The following CACNB4 variants were observed in gnomAD, a reference collection of about 807,000 sequenced individuals.
CACNB4 encodes calcium voltage-gated channel auxiliary subunit beta 4.
In CACNB4, 32 loss-of-function variants were observed where a neutral mutation model predicts 71.2. The observed-to-expected ratio is 0.45, with a 90% CI of 0.34 to 0.60. CACNB4 has a LOEUF of 0.60. Ranked by LOEUF, CACNB4 falls within the 20% of genes least tolerant of loss-of-function variation. The probability of loss-of-function intolerance (pLI) is 0.01; values close to 1 mark genes in which losing one functional copy is unlikely to be tolerated. For missense variants in CACNB4, 464 were observed against 647.9 expected (o/e 0.72, Z 3.08); for synonymous variants, 231 against 236.9 (o/e 0.97, Z 0.23).
At chr2:151,894,794 C>G (rs1246615174) in intron 2 of CACNB4, among the ~76,000 whole-genome samples, 2 of 151,940 alleles carry the variant, frequency 1.3e-5, no homozygotes, top group African/African-American at 2.4e-5. Context: ...ATCAAGAAAG[C>G]AATCCCATTT....
Position 151,843,119 on chromosome 2 carries a change from T to G in CACNB4, c.1117-1031A>C, listed in dbSNP as rs372839807. Among the ~76,000 whole-genome samples, 4 of 152,302 alleles carry G rather than the reference T, an allele frequency of 2.6e-5. No homozygotes were observed. In the East Asian group the frequency reaches 5.8e-4, roughly 22 times the overall value. ...ACGTTTCGGACAGTAAGGCCATTGT[T>G]CAACATCTGGTCTGTACTCAGGAAG... is the stretch of plus-strand genomic sequence containing the variant. On this transcript the variant is annotated intron_variant, in intron 12 of 13. Coordinates refer to ENST00000539935, the MANE Select transcript of CACNB4 (RefSeq NM_000726.5).
rs77761363 is a variant in CACNB4 at position 151,953,954 on chromosome 2, A to G, written c.148-70584T>C. On this transcript the variant is annotated intron_variant, in intron 2 of 13. Transcript: ENST00000539935. ...TAATTTACAAAGCTCAGATGTCTTT[A>G]CAACAAATTCTATCTGTCTTTTGAA... 4.0e-3 allele frequency among the ~76,000 whole-genome samples: 614 copies of G among 152,378 alleles called. 8 individuals are homozygous for G. Among genetic ancestry groups the G allele is most frequent in the African/African-American group, 0.014 (590 of 41,590 alleles).
At chr2:152,076,854 T>G (rs1054258995) in intron 2 of CACNB4, among the ~76,000 whole-genome samples, 1 of 152,206 alleles carries the variant, frequency 6.6e-6, no homozygotes, top group Admixed American at 6.5e-5. Context: ...TTTGCCTCTT[T>G]GGAGCTTACA....
intron 2 of CACNB4, among the ~76,000 whole-genome samples, chr2:152,058,161 G>T (rs1448993941): frequency 6.6e-6 from 1 of 152,150 alleles, no homozygotes; most frequent in African/African-American, 2.4e-5. Flanking sequence ...GGCCTCCTCA[G>T]CCATGCAGAA....
chr2:151,858,636 T>A (rs1267429490), intron 10 of CACNB4: 1 of 152,244 alleles, frequency 6.6e-6, no homozygotes, highest in Non-Finnish European at 1.5e-5. Flanking sequence ...GCATGGGATC[T>A]ATTTTGGAGT....
At chr2:152,070,434 C>A (rs1686616912) in intron 2 of CACNB4, among the ~76,000 whole-genome samples, 1 of 152,078 alleles carries the variant, frequency 6.6e-6, no homozygotes, top group Non-Finnish European at 1.5e-5. Context: ...GATACTAGAA[C>A]CCAATCAAGT....
At chr2:152,089,896 T>C (rs1427621879) in intron 2 of CACNB4, among the ~76,000 whole-genome samples, 1 of 152,098 alleles carries the variant, frequency 6.6e-6, no homozygotes, top group Non-Finnish European at 1.5e-5. Context: ...AACACGACCC[T>C]GTCTCAAAAA....
At chr2:151,890,678 A>G (rs1399531359) in intron 2 of CACNB4, among the ~76,000 whole-genome samples, 3 of 152,232 alleles carry the variant, frequency 2.0e-5, no homozygotes, top group African/African-American at 7.2e-5. Flanking sequence ...TTTTGTTAAT[A>G]TTAATCAAAT....
chr2:151,886,772 G>A (rs973445117), intron 2 of CACNB4, among the ~76,000 whole-genome samples: 1 of 152,010 alleles, frequency 6.6e-6, no homozygotes, highest in African/African-American at 2.4e-5. Flanking sequence ...CCATAGACAT[G>A]CTCTGCTGGC....
chr2:151,868,380 A>T (rs2099843726), intron 9 of CACNB4: 1 of 152,154 alleles, frequency 6.6e-6, no homozygotes. Context: ...ATTTCTGATA[A>T]ATCTCAGGTT....
intron 2 of CACNB4, among the ~76,000 whole-genome samples, chr2:152,049,480 C>T (rs980669077): frequency 6.6e-6 from 1 of 152,102 alleles, no homozygotes. Context: ...GTTTCACAAC[C>T]GTATTTCTCC....
At chr2:152,061,406 TAATTG>T (rs1381211527) in intron 2 of CACNB4, among the ~76,000 whole-genome samples, 1 of 152,186 alleles carries the variant, frequency 6.6e-6, no homozygotes, top group Non-Finnish European at 1.5e-5. Context: ...AAATGATTAC[TAATTG>T]AATATTTACT....
intron 2 of CACNB4, among the ~76,000 whole-genome samples, chr2:151,907,353 A>C (rs1468663083): frequency 6.6e-6 from 1 of 152,238 alleles, no homozygotes; most frequent in African/African-American, 2.4e-5. Context: ...TGAATAACCC[A>C]AATTACTGGA....
chr2:151,862,655 T>C (rs143302951), intron 9 of CACNB4, among the ~76,000 whole-genome samples: 10 of 152,312 alleles, frequency 6.6e-5, no homozygotes, highest in African/African-American at 2.2e-4. Context: ...GATTTCACTA[T>C]AAAAAGCTGT....
At chr2:151,914,459 G>A (rs1013193342) in intron 2 of CACNB4, among the ~76,000 whole-genome samples, 1 of 152,148 alleles carries the variant, frequency 6.6e-6, no homozygotes, top group South Asian at 2.1e-4. Flanking sequence ...ATCTTCTGAA[G>A]CCTACTTCTG....
At chr2:151,957,851 C>T (rs2099868721) in intron 2 of CACNB4, among the ~76,000 whole-genome samples, 2 of 152,148 alleles carry the variant, frequency 1.3e-5, no homozygotes, top group Admixed American at 1.3e-4. Context: ...GTGTAAATAA[C>T]TAAACCAGCA....
chr2:151,897,108 C>T (rs1024190306), intron 2 of CACNB4, among the ~76,000 whole-genome samples: 35 of 152,174 alleles, frequency 2.3e-4, no homozygotes, highest in Non-Finnish European at 4.0e-4. Flanking sequence ...ACTGAGAATG[C>T]TAGGTTCTCT....
intron 2 of CACNB4, among the ~76,000 whole-genome samples, chr2:151,981,097 C>T (rs1309569231): frequency 6.6e-6 from 1 of 152,166 alleles, no homozygotes; most frequent in Non-Finnish European, 1.5e-5. Context: ...AGACATTAGC[C>T]AGTCCTTCTC....
chr2:152,038,917 C>T (rs1375631163), intron 2 of CACNB4, among the ~76,000 whole-genome samples: 1 of 152,172 alleles, frequency 6.6e-6, no homozygotes, highest in Non-Finnish European at 1.5e-5. Context: ...GACACTTCCT[C>T]ATGTTCCCTG....
Sources: gnomAD v4.1 joint callset for allele counts (sites outside exome capture counted in the v4.1 genomes callset) on GRCh38, gnomAD v4.1.1 for gene constraint, MANE v1.5 for transcripts, NCBI Gene and HGNC (gene_info 2026-07-23, HGNC 2026-07-21) for gene names.